GRID1: variants seen among roughly 807,000 people sequenced by gnomAD.
GRID1 encodes the protein glutamate receptor ionotropic, delta-1.
GRID1 carries 28 observed loss-of-function variants against 98.0 expected under a neutral mutation model. That is an observed-to-expected ratio of 0.29 (90% CI 0.21 to 0.39). GRID1 has a LOEUF of 0.39. Among genes scored for constraint, GRID1 ranks in the 10% least tolerant of loss-of-function variants. The pLI, the probability that GRID1 is intolerant of heterozygous loss-of-function variation, is 1.00. For missense variants in GRID1, 1,111 were observed against 1,340.5 expected (o/e 0.83, Z 2.67); for synonymous variants, 553 against 538.5 (o/e 1.03, Z -0.37).
chr10:86,063,370 G>A (rs1416092575), intron 4 of GRID1, among the ~76,000 whole-genome samples: 1 of 152,208 alleles, frequency 6.6e-6, no homozygotes, highest in Non-Finnish European at 1.5e-5. Flanking sequence ...GGAGAACATG[G>A]ACTGATGGGA....
chr10:85,687,749 C>A (rs192209109), intron 12 of GRID1, among the ~76,000 whole-genome samples: 32 of 152,040 alleles, frequency 2.1e-4, no homozygotes, highest in African/African-American at 7.7e-4. Flanking sequence ...AGAACACAAA[C>A]GAAGTGGGAA....
intron 6 of GRID1, among the ~76,000 whole-genome samples, chr10:85,862,968 TC>T (rs1482752422): frequency 6.6e-6 from 1 of 151,992 alleles, no homozygotes; most frequent in Non-Finnish European, 1.5e-5. Context: ...CACTGCACAT[TC>T]CCCAGCGGGG....
intron 12 of GRID1, among the ~76,000 whole-genome samples, chr10:85,691,761 G>A (rs948771718): frequency 8.5e-5 from 13 of 152,126 alleles, no homozygotes; most frequent in African/African-American, 3.1e-4. Flanking sequence ...TTTTTAAAAT[G>A]TGAACAGCTC....
chr10:85,606,848 T>C (rs904390507), intron 15 of GRID1: 2 of 152,236 alleles, frequency 1.3e-5, no homozygotes, highest in African/African-American at 4.8e-5. Flanking sequence ...CAAATTCAAA[T>C]AATGGGCTTT....
At chr10:85,939,210 A>C (rs1841966276) in intron 4 of GRID1, among the ~76,000 whole-genome samples, 2 of 152,230 alleles carry the variant, frequency 1.3e-5, no homozygotes, top group South Asian at 4.2e-4. Context: ...GGTCAAGTCT[A>C]TGCTTCCCCA....
At position 86,220,437 on chromosome 10, in the gene GRID1, T is replaced by C. The variant is rs555038409; in HGVS notation, c.236-13789A>G. Among the ~76,000 whole-genome samples the C allele has an allele frequency of 3.9e-5, 6 of 152,264 alleles. No homozygotes were observed. In the South Asian group the frequency reaches 1.0e-3, roughly 26 times the overall value. On this transcript the variant is annotated intron_variant, in intron 2 of 15. Transcript: ENST00000327946. The stretch of plus-strand genomic sequence containing the variant: ...TAGTCCTGACCTCATGGAGTAATAA[T>C]GAGAGTCGAGTTAGTACTGAGGAAG...
chr10:86,043,611 C>A (rs1843378428), intron 4 of GRID1, among the ~76,000 whole-genome samples: 1 of 152,254 alleles, frequency 6.6e-6, no homozygotes, highest in African/African-American at 2.4e-5. Context: ...GCTCTGCATC[C>A]AGCCAGAGCT....
At chr10:86,047,186 C>T (rs1326518619) in intron 4 of GRID1, among the ~76,000 whole-genome samples, 1 of 152,202 alleles carries the variant, frequency 6.6e-6, no homozygotes, top group South Asian at 2.1e-4. Flanking sequence ...AAGACAGCTC[C>T]CCAGCAGGAA....
chr10:86,018,273 C>T (rs909428862), intron 4 of GRID1, among the ~76,000 whole-genome samples: 3 of 152,170 alleles, frequency 2.0e-5, no homozygotes, highest in Non-Finnish European at 2.9e-5. Context: ...CAAACCCTGG[C>T]ATCAGAAAGC....
At chr10:85,713,631 T>TA (rs34974084) in intron 12 of GRID1, among the ~76,000 whole-genome samples, 75,625 of 140,908 alleles carry the variant, frequency 0.54, 20,268 homozygotes, top group Middle Eastern at 0.62. Flanking sequence ...AATAGCACAT[T>TA]AAAAAAAAAA....
intron 4 of GRID1, among the ~76,000 whole-genome samples, chr10:85,974,391 A>C (rs1047884690): frequency 1.1e-4 from 17 of 152,244 alleles, no homozygotes; most frequent in African/African-American, 4.1e-4. Context: ...TCTGAAAACC[A>C]CTTGGCATTA....
At chr10:85,782,515 T>C (rs1006158033) in intron 8 of GRID1, among the ~76,000 whole-genome samples, 1 of 152,266 alleles carries the variant, frequency 6.6e-6, no homozygotes, top group South Asian at 2.1e-4. Context: ...GGTAGTCTAA[T>C]ACAGGTGTTA....
At chr10:85,615,959 C>T (rs1234124222) in intron 14 of GRID1, among the ~76,000 whole-genome samples, 1 of 152,182 alleles carries the variant, frequency 6.6e-6, no homozygotes, top group Non-Finnish European at 1.5e-5. Flanking sequence ...AGGCTTGGAG[C>T]CTCTCAAATT....
At chr10:86,158,149 G>A (rs1352134740) in intron 3 of GRID1, among the ~76,000 whole-genome samples, 4 of 152,222 alleles carry the variant, frequency 2.6e-5, no homozygotes, top group Admixed American at 2.0e-4. Flanking sequence ...TCCATTCATC[G>A]GCCTGAGACT....
At chr10:86,257,860 G>A (rs1462085300) in intron 2 of GRID1, among the ~76,000 whole-genome samples, 1 of 152,170 alleles carries the variant, frequency 6.6e-6, no homozygotes, top group Non-Finnish European at 1.5e-5. Flanking sequence ...ATAAAGAACA[G>A]GGGAGCAATG....
intron 12 of GRID1, among the ~76,000 whole-genome samples, chr10:85,710,051 G>A (rs970674725): frequency 6.6e-6 from 1 of 152,122 alleles, no homozygotes; most frequent in Admixed American, 6.6e-5. Flanking sequence ...TGGCAATACT[G>A]TTCAGAATGA....
chr10:85,669,613 G>A (rs1323860365), intron 12 of GRID1, among the ~76,000 whole-genome samples: 1 of 152,038 alleles, frequency 6.6e-6, no homozygotes, highest in Admixed American at 6.6e-5. Flanking sequence ...TTGACTCCCA[G>A]CCCCGCTTCT....
At chr10:85,703,833 G>T (rs190536650) in intron 12 of GRID1, among the ~76,000 whole-genome samples, 82 of 152,042 alleles carry the variant, frequency 5.4e-4, no homozygotes, top group African/African-American at 1.8e-3. Flanking sequence ...TAAAATACAA[G>T]ATTACAATTT....
chr10:85,848,525 GT>G (rs1404212860), intron 8 of GRID1, among the ~76,000 whole-genome samples: 1 of 152,102 alleles, frequency 6.6e-6, no homozygotes, highest in Non-Finnish European at 1.5e-5. Flanking sequence ...TAGTAGGAAG[GT>G]CAGGATATAA....
Sources: gnomAD v4.1 joint callset for allele counts (sites outside exome capture counted in the v4.1 genomes callset) on GRCh38, gnomAD v4.1.1 for gene constraint, MANE v1.5 for transcripts, NCBI Gene and HGNC (gene_info 2026-07-23, HGNC 2026-07-21) for gene names.